The following DNAH5 variants were observed in gnomAD, a reference collection of about 807,000 sequenced individuals.
DNAH5 encodes axonemal beta dynein heavy chain 5.
A neutral mutation model predicts 518.2 loss-of-function variants in DNAH5; 372 were observed. That is an observed-to-expected ratio of 0.72 (90% confidence interval 0.66 to 0.78). DNAH5 has a LOEUF of 0.78. Ranked by LOEUF, DNAH5 falls within the 30% of genes least tolerant of loss-of-function variation. The pLI is 0.00. For synonymous variants in DNAH5, 2,039 were observed against 2,025.9 expected, an observed-to-expected ratio of 1.01 and a Z score of -0.17; for missense variants, 5,523 against 5,687.0, an observed-to-expected ratio of 0.97 and a Z score of 0.93.
In DNAH5 at chr5:13,901,370, T is replaced by TG; in HGVS notation, c.1933dup (p.Gln645ProfsTer30). 1 of 1,614,152 alleles carries TG rather than the reference T, an allele frequency of 6.2e-7. No homozygotes were observed. Among genetic ancestry groups the TG allele is most frequent in the South Asian group, 1.1e-5 (1 of 91,080 alleles). On this transcript the variant is annotated frameshift_variant, in exon 14 of 79. Transcript: ENST00000265104. LOFTEE classifies it high-confidence loss of function. ...CGTGCTTAGCACAGCTGGGTGCTGCTGGAAAAGCTGCATGGGCTGCTGAAT... is the reference window on the plus strand; with the variant it reads ...CGTGCTTAGCACAGCTGGGTGCTGCTGGGAAAAGCTGCATGGGCTGCTGAAT...
intron 1 of DNAH5, among the ~76,000 whole-genome samples, chr5:13,993,382 G>T (rs568262356): frequency 6.6e-6 from 1 of 152,234 alleles, no homozygotes; most frequent in South Asian, 2.1e-4. Context: ...TCATTTTTAA[G>T]GTTCTAGGTC....
chr5:14,011,497 A>G (rs1785117029), intron 1 of DNAH5, among the ~76,000 whole-genome samples: 1 of 152,072 alleles, frequency 6.6e-6, no homozygotes, highest in Non-Finnish European at 1.5e-5. Flanking sequence ...TTGGCCCCCA[A>G]ACTCTGAAAA....
intron 65 of DNAH5, among the ~76,000 whole-genome samples, chr5:13,742,222 G>T (rs1748663604): frequency 6.6e-6 from 1 of 152,068 alleles, no homozygotes; most frequent in South Asian, 2.1e-4. Context: ...TGTTTCAACT[G>T]GGAATGAGAG....
intron 17 of DNAH5, among the ~76,000 whole-genome samples, chr5:13,886,631 T>C (rs1235364867): frequency 6.6e-6 from 1 of 152,190 alleles, no homozygotes; most frequent in Non-Finnish European, 1.5e-5. Context: ...GGTAGACAGA[T>C]AGTTATAGAT....
intron 47 of DNAH5, among the ~76,000 whole-genome samples, chr5:13,802,052 C>A (rs946209945): frequency 6.6e-6 from 1 of 151,996 alleles, no homozygotes; most frequent in Non-Finnish European, 1.5e-5. Flanking sequence ...TTCTGTCAAT[C>A]CAGTTACTGA....
chr5:13,989,554 G>A (rs1488590325), intron 1 of DNAH5, among the ~76,000 whole-genome samples: 1 of 150,220 alleles, frequency 6.7e-6, no homozygotes, highest in Admixed American at 6.6e-5. Context: ...CGCGATCTCG[G>A]CTCACTGCAA....
chr5:13,968,967 A>AT (rs1561021136), intron 1 of DNAH5, among the ~76,000 whole-genome samples: 1 of 151,876 alleles, frequency 6.6e-6, no homozygotes, highest in Non-Finnish European at 1.5e-5. Flanking sequence ...TTTGTTGGCA[A>AT]TTTTTTTATT....
chr5:13,887,377 A>G (rs1772578872), intron 17 of DNAH5, among the ~76,000 whole-genome samples: 4 of 152,248 alleles, frequency 2.6e-5, no homozygotes, highest in Admixed American at 6.5e-5. Flanking sequence ...AGAAATTAAC[A>G]AAGCAGAATA....
intron 67 of DNAH5, among the ~76,000 whole-genome samples, chr5:13,735,585 G>A (rs937699076): frequency 4.6e-5 from 7 of 152,150 alleles, no homozygotes; most frequent in Non-Finnish European, 7.4e-5. Flanking sequence ...TTGTTTAACA[G>A]AAACATACGA....
chr5:13,991,527 AGGAGG>A (rs1012557115), intron 1 of DNAH5, among the ~76,000 whole-genome samples: 1 of 80,862 alleles, frequency 1.2e-5, no homozygotes, highest in Non-Finnish European at 2.4e-5. Context: ...AGAGGAGGGG[AGGAGG>A]GGAGGGGAGG....
intron 52 of DNAH5, among the ~76,000 whole-genome samples, chr5:13,782,650 G>A (rs943796387): frequency 6.6e-6 from 1 of 152,180 alleles, no homozygotes; most frequent in Non-Finnish European, 1.5e-5. Context: ...CTTTGATGTA[G>A]GTGGATATAT....
intron 3 of DNAH5, 92 bp from the exon 4 acceptor site, chr5:13,923,532 A>T (rs1777530150): frequency 1.4e-6 from 2 of 1,431,026 alleles, no homozygotes; most frequent in Admixed American, 1.8e-5. Context: ...AAATATTGCC[A>T]TTGTTGACTT....
At chr5:13,898,956 G>C (rs1001828464) in intron 15 of DNAH5, 3 of 186,664 alleles carry the variant, frequency 1.6e-5, no homozygotes, top group African/African-American at 7.0e-5. Context: ...TTTTTGAGAC[G>C]GATCTCGCTC....
chr5:13,917,054 T>C, intron 8 of DNAH5, 89 bp downstream of exon 8: 1 of 1,018,788 alleles, frequency 9.8e-7, no homozygotes. Context: ...CAATGAACTG[T>C]AATATTGATG....
intron 1 of DNAH5, among the ~76,000 whole-genome samples, chr5:13,936,219 T>C (rs1232728291): frequency 2.0e-5 from 3 of 152,170 alleles, no homozygotes; most frequent in African/African-American, 7.2e-5. Context: ...CAGGCCACAA[T>C]TTCCTCAACT....
At chr5:13,844,522 T>C (rs1447683469) in intron 32 of DNAH5, among the ~76,000 whole-genome samples, 1 of 152,260 alleles carries the variant, frequency 6.6e-6, no homozygotes, top group African/African-American at 2.4e-5. Flanking sequence ...TAAGACGCTA[T>C]TTTATGAACA....
intron 76 of DNAH5, among the ~76,000 whole-genome samples, chr5:13,701,716 G>A (rs552396097): frequency 4.1e-4 from 62 of 152,222 alleles, no homozygotes; most frequent in African/African-American, 1.4e-3. Context: ...AACGTCAATT[G>A]AATCACTTTC....
intron 61 of DNAH5, among the ~76,000 whole-genome samples, chr5:13,758,106 T>TA (rs796548319): frequency 7.3e-4 from 104 of 142,514 alleles, no homozygotes; most frequent in East Asian, 1.6e-3. Flanking sequence ...GTATTTAAAG[T>TA]AAAAAAAAAA....
At position 13,776,662 on chromosome 5, in the gene DNAH5, G is replaced by A. The variant is rs77477793; in HGVS notation, c.9150C>T (p.Ser3050=). 1,418 of 1,613,728 alleles carry A rather than the reference G, an allele frequency of 8.8e-4. 18 individuals are homozygous for A. In the African/African-American group the frequency reaches 0.017, roughly 19 times the overall value. ...CTTTTTTCATGACTGATGCCAGGTC[G>A]CTATTAATTTCATCAATTTCATCTC... ...FARDEIDEIN[S]DLASVMKKEF... The change falls in exon 55 of 79, where the codon AGC becomes AGT. Residue 3050 remains serine, a synonymous_variant. Coordinates refer to ENST00000265104, the MANE Select transcript of DNAH5 (RefSeq NM_001369.3).
Sources: gnomAD v4.1 joint callset for allele counts (sites outside exome capture counted in the v4.1 genomes callset) on GRCh38, gnomAD v4.1.1 for gene constraint, MANE v1.5 for transcripts, NCBI Gene and HGNC (gene_info 2026-07-23, HGNC 2026-07-21) for gene names.